Variants in SLC25A13 observed in about 807,000 individuals in gnomAD.
The protein encoded by SLC25A13 is electrogenic aspartate/glutamate antiporter SLC25A13, mitochondrial.
A neutral mutation model predicts 85.5 loss-of-function variants in SLC25A13; 70 were observed. That is an observed-to-expected ratio of 0.82 (90% CI 0.68 to 1.00). The LOEUF is 1.00. SLC25A13 is among the 50% of genes least tolerant of loss of function. SLC25A13 has a pLI of 0.00. For synonymous variants in SLC25A13, 259 were observed against 288.7 expected (o/e 0.90, Z 1.04); for missense variants, 765 against 819.8 (o/e 0.93, Z 0.82).
At chr7:96,258,479 A>G (rs767926229) in intron 3 of SLC25A13, among the ~76,000 whole-genome samples, 2 of 152,210 alleles carry the variant, frequency 1.3e-5, no homozygotes, top group Non-Finnish European at 2.9e-5. Context: ...TACAAAAAGA[A>G]TAAAATACCT....
At chr7:96,152,770 G>A (rs1793101345) in intron 13 of SLC25A13, among the ~76,000 whole-genome samples, 1 of 152,140 alleles carries the variant, frequency 6.6e-6, no homozygotes, top group African/African-American at 2.4e-5. Context: ...ATACACCGGT[G>A]GTACAGCAAT....
chr7:96,232,608 T>C (rs1468943183), intron 4 of SLC25A13, among the ~76,000 whole-genome samples: 1 of 145,044 alleles, frequency 6.9e-6, no homozygotes, highest in Non-Finnish European at 1.5e-5. Context: ...AAAAAAAAAT[T>C]TAAAAAAATT....
chr7:96,291,626 A>C (rs1334040842), intron 2 of SLC25A13, among the ~76,000 whole-genome samples: 1 of 152,206 alleles, frequency 6.6e-6, no homozygotes, highest in Non-Finnish European at 1.5e-5. Context: ...AATAAAAACT[A>C]CCATCAGAGA....
At chr7:96,238,126 G>C (rs975266287) in intron 3 of SLC25A13, among the ~76,000 whole-genome samples, 3 of 152,128 alleles carry the variant, frequency 2.0e-5, no homozygotes, top group Admixed American at 6.5e-5. Flanking sequence ...AGTAGGGCAG[G>C]CACCTAATCC....
chr7:96,260,122 G>C (rs1797795589), intron 3 of SLC25A13, among the ~76,000 whole-genome samples: 1 of 152,002 alleles, frequency 6.6e-6, no homozygotes. Context: ...GTTGATGGGT[G>C]CAGCAAACCA....
chr7:96,180,037 TCAC>T (rs1361610329), intron 11 of SLC25A13, among the ~76,000 whole-genome samples: 1 of 152,194 alleles, frequency 6.6e-6, no homozygotes, highest in Non-Finnish European at 1.5e-5. Flanking sequence ...CCCTGAGATA[TCAC>T]CACAACATCC....
At chr7:96,144,414 C>CA (rs1792693039) in intron 14 of SLC25A13, among the ~76,000 whole-genome samples, 1 of 152,142 alleles carries the variant, frequency 6.6e-6, no homozygotes, top group South Asian at 2.1e-4. Context: ...GCAACAAAAT[C>CA]AAGGTTCCAG....
chr7:96,254,193 T>C (rs1279354683), intron 3 of SLC25A13, among the ~76,000 whole-genome samples: 1 of 152,184 alleles, frequency 6.6e-6, no homozygotes, highest in Admixed American at 6.5e-5. Flanking sequence ...TGCATGTAAA[T>C]AGGCAGTCTG....
chr7:96,236,337 G>A (rs1018573925), intron 3 of SLC25A13, among the ~76,000 whole-genome samples: 3 of 151,794 alleles, frequency 2.0e-5, no homozygotes, highest in Admixed American at 1.3e-4. Flanking sequence ...GCAAGAAGGG[G>A]GGCAAATATG....
At chr7:96,263,249 C>T (rs1041135539) in intron 3 of SLC25A13, among the ~76,000 whole-genome samples, 13 of 152,098 alleles carry the variant, frequency 8.5e-5, no homozygotes, top group African/African-American at 2.7e-4. Context: ...CCCAGGTTAC[C>T]CTTTACCACT....
chr7:96,141,481 T>A (rs2116465351), intron 14 of SLC25A13, among the ~76,000 whole-genome samples: 1 of 152,336 alleles, frequency 6.6e-6, no homozygotes, highest in South Asian at 2.1e-4. Flanking sequence ...ATTTACATTT[T>A]AAATGGATCA....
At chr7:96,178,053 A>G (rs1409433476) in intron 11 of SLC25A13, among the ~76,000 whole-genome samples, 1 of 152,160 alleles carries the variant, frequency 6.6e-6, no homozygotes, top group African/African-American at 2.4e-5. Flanking sequence ...GATGGTGCCC[A>G]TGTAGCAGGC....
At chr7:96,170,211 T>C in intron 12 of SLC25A13, 86 bp from the exon 13 acceptor site, 1 of 1,165,418 alleles carries the variant, frequency 8.6e-7, no homozygotes, top group South Asian at 1.2e-5. Flanking sequence ...CAATATATGC[T>C]ATTTTTTTCT....
In SLC25A13 at chr7:96,184,297, C is replaced by A. The variant is rs776461118; in HGVS notation, c.1157G>T (p.Gly386Val). ...CTAACCTCTATACAGTCCAAAGAAG[C>A]CTTCATAGCGTAGCACTTTCTTAAA... is the stretch of plus-strand genomic sequence containing the variant. The part of the protein sequence containing the change: ...DCFKKVLRYE[G>V]FFGLYRGLLP... The change falls in exon 11 of 18, where the codon GGC (glycine) becomes GTC (valine). Residue 386 changes from glycine to valine, a missense_variant. Gly to Val is a moderately radical substitution (Grantham distance 109). Coordinates refer to ENST00000265631, the MANE Select transcript of SLC25A13 (RefSeq NM_014251.3). 6.2e-7 allele frequency: 1 copy of A among 1,614,110 alleles called. No homozygotes were observed. The highest frequency in any genetic ancestry group is 2.2e-5 in the East Asian group (1 of 44,870).
rs571485735 is a variant in SLC25A13, at chr7:96,213,148, A to G, written c.329-4171T>C. 3.0e-4 allele frequency among the ~76,000 whole-genome samples: 45 copies of G among 152,328 alleles called. 2 individuals carry two copies. In the South Asian group the frequency reaches 9.1e-3, roughly 31 times the overall value. ...TCATTCTGCTCTAATGAATCATCCT[A>G]GGGCATTCATTTTCTGAAATGTTTG... On this transcript the variant is annotated intron_variant, in intron 4 of 17. Coordinates refer to ENST00000265631, the MANE Select transcript of SLC25A13 (RefSeq NM_014251.3).
At chr7:96,185,045 A>G (rs1297940526) in intron 9 of SLC25A13, 34 bp from the exon 10 acceptor site, 2 of 1,560,478 alleles carry the variant, frequency 1.3e-6, no homozygotes, top group Non-Finnish European at 1.8e-6. Flanking sequence ...GAGAGCAGGA[A>G]AACAGGTGAC....
intron 4 of SLC25A13, among the ~76,000 whole-genome samples, chr7:96,218,817 T>G (rs1438722183): frequency 1.3e-5 from 2 of 152,158 alleles, no homozygotes; most frequent in African/African-American, 2.4e-5. Context: ...AGGCCCAGCA[T>G]TTTATCTCTG....
intron 4 of SLC25A13, among the ~76,000 whole-genome samples, chr7:96,211,600 TCG>T (rs1278486784): frequency 6.6e-6 from 1 of 152,214 alleles, no homozygotes; most frequent in Non-Finnish European, 1.5e-5. Context: ...ACCCCATTCT[TCG>T]CATCTGATTC....
At chr7:96,227,212 T>C (rs923138249) in intron 4 of SLC25A13, among the ~76,000 whole-genome samples, 3 of 152,212 alleles carry the variant, frequency 2.0e-5, no homozygotes, top group Non-Finnish European at 2.9e-5. Flanking sequence ...ACAAATAACA[T>C]AGATGTGTTC....
Sources: allele counts gnomAD v4.1 joint callset (sites outside exome capture counted in the v4.1 genomes callset), GRCh38; gene constraint gnomAD v4.1.1; transcripts MANE v1.5; gene names NCBI Gene and HGNC (gene_info 2026-07-23, HGNC 2026-07-21).